Variants in MIPOL1 observed in about 807,000 individuals in gnomAD.
MIPOL1 encodes mirror-image polydactyly 1.
Under a neutral mutation model 60.9 loss-of-function variants are expected in MIPOL1, and 57 were observed. The observed-to-expected ratio is 0.94, with a 90% CI of 0.76 to 1.17. MIPOL1 has a LOEUF of 1.17. MIPOL1 is among the 50% of genes most tolerant of loss of function. The pLI, the probability that MIPOL1 is intolerant of heterozygous loss-of-function variation, is 0.00. For synonymous variants in MIPOL1, 179 were observed against 168.8 expected (o/e 1.06, Z -0.47); for missense variants, 551 against 511.6 (o/e 1.08, Z -0.74).
chr14:37,417,698 T>C (rs1223523366), intron 10 of MIPOL1, among the ~76,000 whole-genome samples: 1 of 152,184 alleles, frequency 6.6e-6, no homozygotes, highest in Non-Finnish European at 1.5e-5. Context: ...TCTAACTTGA[T>C]GTATTGTTTG....
In MIPOL1 at chr14:37,445,810, C is replaced by G. The variant is rs1214287263; in HGVS notation, c.1031+22861C>G. Among the ~76,000 whole-genome samples the G allele has an allele frequency of 2.0e-5, 3 of 152,066 alleles. No homozygotes were observed. The East Asian group carries it at 5.8e-4, about 29-fold the overall frequency. On this transcript the variant is annotated intron_variant, in intron 11 of 12. Coordinates refer to ENST00000684589, the MANE Select transcript of MIPOL1 (RefSeq NM_001388067.1). ...TGATCTTTGACAAACCTGAGAAAAA[C>G]AAGCAATGGGGAAAGGATTCCCTGT... is the stretch of plus-strand genomic sequence containing the variant.
chr14:37,383,431 A>G (rs1595513709), intron 10 of MIPOL1, among the ~76,000 whole-genome samples: 1 of 151,898 alleles, frequency 6.6e-6, no homozygotes, highest in African/African-American at 2.4e-5. Flanking sequence ...TAGAAAGACT[A>G]TTATTTTTAC....
chr14:37,469,859 T>C (rs1408474170), intron 11 of MIPOL1, among the ~76,000 whole-genome samples: 1 of 152,238 alleles, frequency 6.6e-6, no homozygotes, highest in Non-Finnish European at 1.5e-5. Context: ...AGTGCCATGC[T>C]CTTGGACTTT....
At chr14:37,492,630 C>T (rs1033703221) in intron 11 of MIPOL1, among the ~76,000 whole-genome samples, 6 of 152,194 alleles carry the variant, frequency 3.9e-5, no homozygotes, top group East Asian at 1.9e-4. Context: ...TCATAGTTTT[C>T]GAGTTGAAAT....
chr14:37,522,905 TCTTA>T (rs1217210943), intron 12 of MIPOL1, among the ~76,000 whole-genome samples: 2 of 152,170 alleles, frequency 1.3e-5, no homozygotes, highest in African/African-American at 2.4e-5. Context: ...AATCCTATTT[TCTTA>T]CTTAGGGAGT....
chr14:37,510,242 GT>G (rs2095317148), intron 12 of MIPOL1, among the ~76,000 whole-genome samples: 1 of 151,810 alleles, frequency 6.6e-6, no homozygotes. Context: ...ATATAGTTTT[GT>G]TTTGGTTTTG....
intron 3 of MIPOL1, among the ~76,000 whole-genome samples, chr14:37,252,199 TA>T (rs1180644965): frequency 6.6e-6 from 1 of 151,724 alleles, no homozygotes; most frequent in Non-Finnish European, 1.5e-5. Flanking sequence ...CACAAGTAGT[TA>T]TTTTTATTTA....
chr14:37,255,541 A>C (rs533593437), intron 3 of MIPOL1, among the ~76,000 whole-genome samples: 2 of 151,756 alleles, frequency 1.3e-5, no homozygotes, highest in South Asian at 4.1e-4. Context: ...AAATACTTCA[A>C]CTTTTAGTGT....
intron 12 of MIPOL1, chr14:37,545,660 A>G (rs1201665331): frequency 4.7e-6 from 3 of 645,114 alleles, no homozygotes; most frequent in Non-Finnish European, 8.4e-6. Flanking sequence ...GTTTTTTGTT[A>G]ACAGAATTCT....
chr14:37,208,572 T>C (rs1456002425), intron 1 of MIPOL1, among the ~76,000 whole-genome samples: 1 of 152,132 alleles, frequency 6.6e-6, no homozygotes, highest in African/African-American at 2.4e-5. Context: ...TGAGCACCCA[T>C]GTAGCCACCA....
At chr14:37,505,124 A>G (rs1183249219) in intron 12 of MIPOL1, 1 of 152,144 alleles carries the variant, frequency 6.6e-6, no homozygotes, top group East Asian at 1.9e-4. Context: ...GCCTACCACC[A>G]AAAAAAGTCC....
At chr14:37,493,974 G>C (rs1385407871) in intron 11 of MIPOL1, among the ~76,000 whole-genome samples, 1 of 152,144 alleles carries the variant, frequency 6.6e-6, no homozygotes, top group African/African-American at 2.4e-5. Context: ...AGTAACTTTG[G>C]AAAGAGGGTA....
At chr14:37,226,650 T>C (rs1013394451) in intron 1 of MIPOL1, among the ~76,000 whole-genome samples, 10 of 152,078 alleles carry the variant, frequency 6.6e-5, no homozygotes, top group Admixed American at 5.9e-4. Context: ...AGCAAAACCA[T>C]ATCACTGGGT....
At chr14:37,268,832 T>G in intron 5 of MIPOL1, 39 bp downstream of exon 5, 1 of 1,422,154 alleles carries the variant, frequency 7.0e-7, no homozygotes, top group South Asian at 1.5e-5. Flanking sequence ...TAGTATGGGT[T>G]TAGCTGTTGA....
At chr14:37,230,338 C>T (rs1050401763) in intron 1 of MIPOL1, among the ~76,000 whole-genome samples, 3 of 152,142 alleles carry the variant, frequency 2.0e-5, no homozygotes, top group African/African-American at 7.2e-5. Context: ...AAAAGGTCAA[C>T]AAAGTGTTGA....
At chr14:37,479,561 C>T (rs1363634767) in intron 11 of MIPOL1, among the ~76,000 whole-genome samples, 2 of 151,940 alleles carry the variant, frequency 1.3e-5, no homozygotes, top group Non-Finnish European at 1.5e-5. Flanking sequence ...GGAAATTTTA[C>T]AGCAATAAAT....
chr14:37,361,919 G>T (rs904679163), intron 9 of MIPOL1, among the ~76,000 whole-genome samples: 8 of 152,026 alleles, frequency 5.3e-5, no homozygotes, highest in African/African-American at 1.4e-4. Context: ...TGTTTTATCA[G>T]AGACTAGGAT....
intron 3 of MIPOL1, among the ~76,000 whole-genome samples, chr14:37,263,703 T>C (rs2082669538): frequency 6.6e-6 from 1 of 152,174 alleles, no homozygotes; most frequent in African/African-American, 2.4e-5. Flanking sequence ...TAAGTCCATA[T>C]GGATAAATGA....
At chr14:37,250,270 A>T (rs1392347873) in intron 3 of MIPOL1, among the ~76,000 whole-genome samples, 1 of 152,126 alleles carries the variant, frequency 6.6e-6, no homozygotes, top group Non-Finnish European at 1.5e-5. Flanking sequence ...GAAAAAGGTC[A>T]GATGCGGTGG....
Sources: allele counts gnomAD v4.1 joint callset (sites outside exome capture counted in the v4.1 genomes callset), GRCh38; gene constraint gnomAD v4.1.1; transcripts MANE v1.5; gene names NCBI Gene and HGNC (gene_info 2026-07-23, HGNC 2026-07-21).